The following EYS variants were observed in gnomAD, a reference collection of about 807,000 sequenced individuals.
EYS encodes protein eyes shut homolog.
In EYS, 250 loss-of-function variants were observed where a neutral mutation model predicts 282.1. The observed-to-expected ratio is 0.89, with a 90% CI of 0.80 to 0.98. The LOEUF (loss-of-function observed/expected upper bound fraction) is 0.98, where lower values mean the gene tolerates loss of function less well. Ranked by LOEUF, EYS falls within the 50% of genes least tolerant of loss-of-function variation. EYS has a pLI of 0.00. For missense variants in EYS, 4,016 were observed against 3,709.0 expected (o/e 1.08, Z -2.15); for synonymous variants, 1,355 against 1,282.9 (o/e 1.06, Z -1.20).
At chr6:64,351,399 CAT>C (rs201796295) in intron 29 of EYS, among the ~76,000 whole-genome samples, 3,728 of 151,510 alleles carry the variant, frequency 0.025, 146 homozygotes, top group African/African-American at 0.085. Context: ...CCTTGAATTA[CAT>C]AGTTACATTA....
At chr6:64,931,718 A>C (rs79988343) in intron 15 of EYS, among the ~76,000 whole-genome samples, 4,945 of 152,232 alleles carry the variant, frequency 0.032, 137 homozygotes, top group East Asian at 0.13. Context: ...TGTGGACAGA[A>C]TATTATTTAT....
intron 36 of EYS, among the ~76,000 whole-genome samples, chr6:63,848,579 G>A (rs945701526): frequency 6.6e-6 from 1 of 151,904 alleles, no homozygotes; most frequent in Admixed American, 6.6e-5. Context: ...GAAGTGCAAG[G>A]GGCTGGGAAC....
intron 22 of EYS, among the ~76,000 whole-genome samples, chr6:64,742,751 C>G (rs949359772): frequency 1.4e-4 from 22 of 152,004 alleles, no homozygotes; most frequent in Non-Finnish European, 3.1e-4. Flanking sequence ...TTAAATAAGA[C>G]AATTTTAACA....
At chr6:64,926,122 C>T (rs1382298147) in intron 15 of EYS, among the ~76,000 whole-genome samples, 1 of 152,200 alleles carries the variant, frequency 6.6e-6, no homozygotes, top group African/African-American at 2.4e-5. Flanking sequence ...AGTTTGCCTT[C>T]AGGCAGACCT....
chr6:64,848,801 G>A (rs1165939981), intron 19 of EYS, among the ~76,000 whole-genome samples: 1 of 152,046 alleles, frequency 6.6e-6, no homozygotes, highest in East Asian at 1.9e-4. Flanking sequence ...TTCTTCCTAT[G>A]GCAATAACTA....
At chr6:64,085,037 A>T (rs1190382823) in intron 31 of EYS, among the ~76,000 whole-genome samples, 1 of 151,780 alleles carries the variant, frequency 6.6e-6, no homozygotes, top group Non-Finnish European at 1.5e-5. Flanking sequence ...TTTGAGACAG[A>T]GTCTTGTTCT....
intron 35 of EYS, among the ~76,000 whole-genome samples, chr6:63,876,290 G>C (rs894263304): frequency 6.6e-6 from 1 of 152,222 alleles, no homozygotes. Context: ...TTTTGACTGA[G>C]TTTTTTAATC....
chr6:65,363,117 A>G (rs73741517), intron 8 of EYS, among the ~76,000 whole-genome samples: 1,986 of 141,452 alleles, frequency 0.014, 48 homozygotes, highest in African/African-American at 0.049. Flanking sequence ...ATGTCATTCA[A>G]CTTCAGGAAT....
intron 30 of EYS, among the ~76,000 whole-genome samples, chr6:64,281,087 A>T (rs1768292009): frequency 6.6e-6 from 1 of 152,104 alleles, no homozygotes; most frequent in South Asian, 2.1e-4. Flanking sequence ...TATTTAAAGC[A>T]TTCTGCCCTA....
intron 14 of EYS, among the ~76,000 whole-genome samples, chr6:64,965,713 T>A (rs994166422): frequency 2.1e-4 from 32 of 152,158 alleles, no homozygotes; most frequent in Non-Finnish European, 3.1e-4. Context: ...TTCAATTGGT[T>A]TTATATGCTC....
chr6:64,683,208 C>A (rs956028756), intron 22 of EYS, among the ~76,000 whole-genome samples: 7 of 152,158 alleles, frequency 4.6e-5, no homozygotes, highest in Admixed American at 2.0e-4. Flanking sequence ...CATTCACAAT[C>A]CATTTTTTTA....
intron 22 of EYS, among the ~76,000 whole-genome samples, chr6:64,794,690 A>T (rs1048555456): frequency 6.6e-6 from 1 of 152,212 alleles, no homozygotes; most frequent in African/African-American, 2.4e-5. Flanking sequence ...AAAATGTGGC[A>T]TATACATACA....
intron 8 of EYS, among the ~76,000 whole-genome samples, chr6:65,378,589 G>C (rs1447503046): frequency 6.6e-6 from 1 of 152,126 alleles, no homozygotes; most frequent in East Asian, 1.9e-4. Flanking sequence ...GCACACAAAA[G>C]TTTATTGTGG....
chr6:64,216,898 A>G (rs1387993977), intron 31 of EYS, among the ~76,000 whole-genome samples: 2 of 152,150 alleles, frequency 1.3e-5, no homozygotes, highest in African/African-American at 4.8e-5. Flanking sequence ...AGATTCCCCC[A>G]AAGTTACATA....
chr6:64,872,908 G>C (rs866285940), intron 19 of EYS, among the ~76,000 whole-genome samples: 104 of 152,094 alleles, frequency 6.8e-4, no homozygotes, highest in African/African-American at 2.4e-3. Flanking sequence ...AGTGTGACTT[G>C]ATCAATATGC....
intron 12 of EYS, among the ~76,000 whole-genome samples, chr6:65,116,209 G>T (rs894076340): frequency 3.3e-5 from 5 of 152,034 alleles, no homozygotes; most frequent in African/African-American, 4.8e-5. Context: ...TAAGCTTAGT[G>T]GTCTATAATA....
intron 29 of EYS, among the ~76,000 whole-genome samples, chr6:64,376,426 A>G (rs1405826759): frequency 6.6e-6 from 1 of 152,206 alleles, no homozygotes; most frequent in African/African-American, 2.4e-5. Flanking sequence ...GGGAAAAATC[A>G]GTGTTAGCAA....
rs142518182 is a variant in EYS at position 63,764,519 on chromosome 6, C to T, written c.7899-1886G>A. 6.0e-4 allele frequency among the ~76,000 whole-genome samples: 91 copies of T among 151,852 alleles called. 1 individual carries two copies. Among genetic ancestry groups the T allele is most frequent in the Middle Eastern group, 6.8e-3 (2 of 294 alleles). On this transcript the variant is annotated intron_variant, in intron 40 of 42. Coordinates refer to ENST00000503581, the MANE Select transcript of EYS (RefSeq NM_001142800.2). ...ATGCTGTCATTACTTTTTAAAGTGA[C>T]GATTGCGCCATCTAGTGGTTCATTT...
chr6:64,070,257 A>G (rs1392473779), intron 32 of EYS, among the ~76,000 whole-genome samples: 1 of 152,146 alleles, frequency 6.6e-6, no homozygotes, highest in African/African-American at 2.4e-5. Flanking sequence ...TGTTTTACTC[A>G]GTCATAATTT....
Sources: gnomAD v4.1 joint callset for allele counts (sites outside exome capture counted in the v4.1 genomes callset) on GRCh38, gnomAD v4.1.1 for gene constraint, MANE v1.5 for transcripts, NCBI Gene and HGNC (gene_info 2026-07-23, HGNC 2026-07-21) for gene names.